The following TLK1 variants were observed in gnomAD, a reference collection of about 807,000 sequenced individuals.
TLK1 encodes serine/threonine-protein kinase tousled-like 1.
In TLK1, 24 loss-of-function variants were observed where a neutral mutation model predicts 105.3. The observed-to-expected ratio is 0.23, with a 90% CI of 0.17 to 0.32. The LOEUF is 0.32. Among genes scored for constraint, TLK1 ranks in the 10% least tolerant of loss-of-function variants. The pLI, the probability that TLK1 is intolerant of heterozygous loss-of-function variation, is 1.00. For synonymous variants in TLK1, 321 were observed against 310.4 expected (o/e 1.03, Z -0.36); for missense variants, 558 against 910.5 (o/e 0.61, Z 4.98).
chr2:171,206,445 T>C (rs539010897), intron 1 of TLK1, among the ~76,000 whole-genome samples: 1 of 152,230 alleles, frequency 6.6e-6, no homozygotes, highest in African/African-American at 2.4e-5. Flanking sequence ...ATTAGCCAAA[T>C]GTTCTAAAGA....
At chr2:171,063,133 G>A (rs1687832838) in intron 3 of TLK1, among the ~76,000 whole-genome samples, 1 of 152,074 alleles carries the variant, frequency 6.6e-6, no homozygotes, top group Admixed American at 6.6e-5. Context: ...ATCATATGAG[G>A]TCAGGAGTTC....
At chr2:171,032,319 A>G (rs946777761) in intron 11 of TLK1, among the ~76,000 whole-genome samples, 3 of 152,230 alleles carry the variant, frequency 2.0e-5, no homozygotes, top group African/African-American at 7.2e-5. Flanking sequence ...TTTGCAGATG[A>G]CATGCCTCTA....
intron 1 of TLK1, among the ~76,000 whole-genome samples, chr2:171,119,627 T>C (rs1484376470): frequency 1.3e-5 from 2 of 152,322 alleles, no homozygotes; most frequent in Non-Finnish European, 1.5e-5. Flanking sequence ...AAGACAGACA[T>C]ATATATAGAG....
At chr2:171,129,278 A>C (rs1690999548) in intron 1 of TLK1, among the ~76,000 whole-genome samples, 1 of 152,218 alleles carries the variant, frequency 6.6e-6, no homozygotes, top group Non-Finnish European at 1.5e-5. Context: ...CCTTGTCTCC[A>C]AATCCCACTC....
intron 12 of TLK1, among the ~76,000 whole-genome samples, chr2:171,024,123 T>C (rs1472344655): frequency 6.6e-6 from 1 of 152,178 alleles, no homozygotes; most frequent in Non-Finnish European, 1.5e-5. Flanking sequence ...AGTTTGTATA[T>C]AATTAATGAT....
chr2:171,060,663 C>CA (rs999677762), intron 4 of TLK1, among the ~76,000 whole-genome samples: 2 of 151,922 alleles, frequency 1.3e-5, no homozygotes, highest in African/African-American at 4.8e-5. Context: ...AGTAGGTATG[C>CA]AAGAAAGGAT....
At chr2:171,097,385 G>C (rs1002163818) in intron 2 of TLK1, among the ~76,000 whole-genome samples, 1 of 151,838 alleles carries the variant, frequency 6.6e-6, no homozygotes, top group African/African-American at 2.4e-5. Flanking sequence ...GAAAACACAG[G>C]AAAAAAAGCT....
At chr2:171,188,860 G>C (rs1383584279) in intron 1 of TLK1, among the ~76,000 whole-genome samples, 1 of 148,060 alleles carries the variant, frequency 6.8e-6, no homozygotes, top group Non-Finnish European at 1.5e-5. Flanking sequence ...AGGCGACAAA[G>C]CAAGATTCTG....
At chr2:171,063,068 G>C (rs1051584361) in intron 3 of TLK1, among the ~76,000 whole-genome samples, 1 of 152,130 alleles carries the variant, frequency 6.6e-6, no homozygotes, top group African/African-American at 2.4e-5. Flanking sequence ...TAAATCGGCC[G>C]GGTGCAGTGA....
chr2:171,149,296 T>C (rs990341322), intron 1 of TLK1, among the ~76,000 whole-genome samples: 3 of 151,946 alleles, frequency 2.0e-5, no homozygotes, highest in African/African-American at 4.8e-5. Context: ...TAAAGTGCCA[T>C]GTATTTCTCA....
chr2:171,180,560 G>A (rs553591539), intron 1 of TLK1, among the ~76,000 whole-genome samples: 10 of 152,174 alleles, frequency 6.6e-5, no homozygotes, highest in African/African-American at 2.4e-4. Flanking sequence ...TTATTGCATT[G>A]GATAATTCAG....
intron 1 of TLK1, among the ~76,000 whole-genome samples, chr2:171,226,245 C>T (rs1160985488): frequency 6.6e-6 from 1 of 152,164 alleles, no homozygotes; most frequent in African/African-American, 2.4e-5. Flanking sequence ...GCATAAAGCA[C>T]TGGTGTAGGT....
intron 14 of TLK1, among the ~76,000 whole-genome samples, chr2:171,009,889 C>G (rs181700804): frequency 1.3e-5 from 2 of 152,162 alleles, no homozygotes; most frequent in African/African-American, 4.8e-5. Context: ...AAAAGGCACA[C>G]CAAATCTATC....
chr2:171,001,902 T>A (rs1417897535), intron 18 of TLK1, among the ~76,000 whole-genome samples: 7 of 152,078 alleles, frequency 4.6e-5, no homozygotes, highest in Admixed American at 3.3e-4. Context: ...TGCCTCAGCC[T>A]CCATAGTAGC....
rs1213165277 is a variant in TLK1 at position 171,222,210 on chromosome 2, C to CA, written c.-6+8934dup. ...GTCTGTGAATGGCTATGTGGGAAGA[C>CA]AACCCCAGTCCCACTAGACATGCAT... is the stretch of plus-strand genomic sequence containing the variant. On this transcript the variant is annotated intron_variant, in intron 1 of 20. Coordinates refer to the TLK1 transcript ENST00000521943. 2.0e-5 allele frequency among the ~76,000 whole-genome samples: 3 copies of CA among 152,332 alleles called. No homozygotes were observed. The East Asian group carries it at 5.8e-4, about 29-fold the overall frequency.
chr2:171,071,117 ATTATCATATG>A (rs977677681), intron 3 of TLK1, among the ~76,000 whole-genome samples: 3 of 151,982 alleles, frequency 2.0e-5, no homozygotes, highest in Non-Finnish European at 4.4e-5. Flanking sequence ...TTTAGATTGG[ATTATCATATG>A]TTTTCCTACA....
intron 11 of TLK1, among the ~76,000 whole-genome samples, chr2:171,040,299 T>C (rs943449914): frequency 2.6e-5 from 4 of 152,184 alleles, no homozygotes; most frequent in Non-Finnish European, 4.4e-5. Flanking sequence ...ACCCATAGAA[T>C]GTACAACATC....
intron 1 of TLK1, among the ~76,000 whole-genome samples, chr2:171,145,944 A>C (rs1298083436): frequency 6.6e-6 from 1 of 152,058 alleles, no homozygotes; most frequent in Non-Finnish European, 1.5e-5. Flanking sequence ...GAGTGTTTGA[A>C]GTGCTGGCAA....
At chr2:171,104,927 G>C (rs532289035) in intron 2 of TLK1, among the ~76,000 whole-genome samples, 2 of 152,224 alleles carry the variant, frequency 1.3e-5, no homozygotes, top group Admixed American at 1.3e-4. Context: ...AAAGGCACTG[G>C]GAACATTAAA....
Sources: allele counts gnomAD v4.1 joint callset (sites outside exome capture counted in the v4.1 genomes callset), GRCh38; gene constraint gnomAD v4.1.1; transcripts MANE v1.5; gene names NCBI Gene and HGNC (gene_info 2026-07-23, HGNC 2026-07-21).